Variants in STX18 observed in about 807,000 individuals in gnomAD.
STX18 encodes the protein syntaxin-18.
A neutral mutation model predicts 50.1 loss-of-function variants in STX18; 40 were observed. That is an observed-to-expected ratio of 0.80 (90% confidence interval 0.62 to 1.04). The LOEUF (loss-of-function observed/expected upper bound fraction) is 1.04, where lower values mean the gene tolerates loss of function less well. Ranked by LOEUF, STX18 falls within the 50% of genes least tolerant of loss-of-function variation. STX18 has a pLI of 0.00. For missense variants in STX18, 410 were observed against 415.8 expected (o/e 0.99, Z 0.12); for synonymous variants, 158 against 151.8 (o/e 1.04, Z -0.30).
chr4:4,487,473 T>A (rs1267753217), intron 1 of STX18, among the ~76,000 whole-genome samples: 1 of 152,182 alleles, frequency 6.6e-6, no homozygotes, highest in Non-Finnish European at 1.5e-5. Context: ...AACAGATGAG[T>A]ACACTTGCCC....
intron 1 of STX18, among the ~76,000 whole-genome samples, chr4:4,487,929 C>T (rs966929681): frequency 5.3e-5 from 8 of 152,082 alleles, no homozygotes; most frequent in Middle Eastern, 3.4e-3. Context: ...ATTCAACAAA[C>T]GAAGAGGTGA....
intron 1 of STX18, among the ~76,000 whole-genome samples, chr4:4,489,563 T>A (rs1577369019): frequency 6.6e-6 from 1 of 151,914 alleles, no homozygotes; most frequent in Admixed American, 6.6e-5. Context: ...AAATATTATT[T>A]CAAGAGATAA....
chr4:4,474,473 C>G (rs1403661402), intron 1 of STX18, among the ~76,000 whole-genome samples: 2 of 152,206 alleles, frequency 1.3e-5, no homozygotes, highest in Admixed American at 6.5e-5. Flanking sequence ...GGCCCATCCC[C>G]CTGTAAGATG....
intron 1 of STX18, among the ~76,000 whole-genome samples, chr4:4,497,691 G>C (rs562834057): frequency 6.6e-6 from 1 of 152,306 alleles, no homozygotes; most frequent in African/African-American, 2.4e-5. Context: ...TTAAAACCCA[G>C]TTAATCTGTC....
intron 5 of STX18, among the ~76,000 whole-genome samples, chr4:4,455,514 C>A (rs572075757): frequency 6.6e-6 from 1 of 152,212 alleles, no homozygotes; most frequent in East Asian, 1.9e-4. Context: ...CCTTGCCTGG[C>A]ATCTGAGAAG....
At chr4:4,451,981 A>C (rs1726776850) in intron 5 of STX18, among the ~76,000 whole-genome samples, 1 of 152,250 alleles carries the variant, frequency 6.6e-6, no homozygotes, top group Non-Finnish European at 1.5e-5. Context: ...GTGAATGCAA[A>C]GGAAAAGTTA....
At chr4:4,542,245 A>T, upstream of STX18, 1 of 354,748 alleles carries the variant, frequency 2.8e-6, no homozygotes, top group Non-Finnish European at 5.1e-6. Context: ...CGGAGAGCTC[A>T]GCGAGCTCTT....
chr4:4,500,924 C>G (rs1178784360), intron 1 of STX18, among the ~76,000 whole-genome samples: 2 of 152,106 alleles, frequency 1.3e-5, no homozygotes, highest in African/African-American at 4.8e-5. Context: ...ATACCCTCAG[C>G]TACTCGGGAG....
intron 3 of STX18, among the ~76,000 whole-genome samples, chr4:4,457,985 G>C (rs925455379): frequency 6.6e-6 from 1 of 152,126 alleles, no homozygotes; most frequent in Non-Finnish European, 1.5e-5. Flanking sequence ...ATGACTCCTA[G>C]CCACAAAGAT....
intron 5 of STX18, among the ~76,000 whole-genome samples, chr4:4,447,361 G>A (rs557593857): frequency 3.3e-5 from 5 of 151,856 alleles, no homozygotes; most frequent in Admixed American, 6.6e-5. Context: ...AGGCCGAGGC[G>A]GGCGGATCAC....
chr4:4,453,152 T>A (rs1166263610), intron 5 of STX18, among the ~76,000 whole-genome samples: 1 of 152,242 alleles, frequency 6.6e-6, no homozygotes, highest in East Asian at 1.9e-4. Context: ...GAATATTGCA[T>A]AAACTTGGTT....
At chr4:4,510,984 C>G (rs1056541208) in intron 1 of STX18, among the ~76,000 whole-genome samples, 5 of 152,112 alleles carry the variant, frequency 3.3e-5, no homozygotes, top group African/African-American at 1.2e-4. Flanking sequence ...AGGGGAACAA[C>G]ACACACTGGA....
Position 4,434,828 on chromosome 4 carries a change from A to G in STX18, c.644T>C (p.Leu215Ser), listed in dbSNP as rs1725693138. ...EKILAETQPE[L>S]GTWGDGKGED... is the part of the protein sequence containing the mutation. ...GCCTTTGCCATCTCCCCACGTTCCCAATTCAGGTTGTGTTTCAGCCAAAAT... is the reference window on the plus strand; with the variant it reads ...GCCTTTGCCATCTCCCCACGTTCCCGATTCAGGTTGTGTTTCAGCCAAAAT... The change falls in exon 7 of 11, where the codon TTG becomes TCG. Residue 215 changes from leucine (L) to serine (S), a missense_variant. Transcript: ENST00000306200. 3.1e-6 allele frequency: 5 copies of G among 1,604,448 alleles called. No individual in the cohort carries two copies. Among genetic ancestry groups the G allele is most frequent in the Non-Finnish European group, 4.2e-6 (5 of 1,177,530 alleles).
chr4:4,534,961 C>A (rs1361829091), intron 1 of STX18, among the ~76,000 whole-genome samples: 1 of 152,234 alleles, frequency 6.6e-6, no homozygotes, highest in South Asian at 2.1e-4. Context: ...ACAACCTCAC[C>A]CCCTGACACT....
At chr4:4,526,480 G>A (rs1340128204) in intron 1 of STX18, among the ~76,000 whole-genome samples, 3 of 152,096 alleles carry the variant, frequency 2.0e-5, no homozygotes, top group Admixed American at 6.6e-5. Flanking sequence ...TGGTGAGTTC[G>A]AATTCCTAAA....
chr4:4,433,380 C>T (rs940137747), intron 7 of STX18, among the ~76,000 whole-genome samples: 2 of 152,204 alleles, frequency 1.3e-5, no homozygotes, highest in East Asian at 1.9e-4. Flanking sequence ...ACAAAGAATT[C>T]CCCTGCGGAA....
intron 1 of STX18, among the ~76,000 whole-genome samples, chr4:4,539,802 C>CTA (rs76180043): frequency 0.24 from 36,409 of 152,024 alleles, 4,982 homozygotes; most frequent in African/African-American, 0.39. Flanking sequence ...ACTCAAAACT[C>CTA]AAACACATTT....
chr4:4,431,295 G>A (rs921978129), intron 7 of STX18, among the ~76,000 whole-genome samples: 6 of 152,158 alleles, frequency 3.9e-5, no homozygotes, highest in African/African-American at 1.4e-4. Context: ...GCAAAGAAAT[G>A]GGGCAATGGT....
At chr4:4,442,649 A>G (rs1177687405) in intron 5 of STX18, among the ~76,000 whole-genome samples, 1 of 152,054 alleles carries the variant, frequency 6.6e-6, no homozygotes, top group Non-Finnish European at 1.5e-5. Context: ...ACAAAGCACC[A>G]TGAGTGGTGG....
Sources: gnomAD v4.1 joint callset for allele counts (sites outside exome capture counted in the v4.1 genomes callset) on GRCh38, gnomAD v4.1.1 for gene constraint, MANE v1.5 for transcripts, NCBI Gene and HGNC (gene_info 2026-07-23, HGNC 2026-07-21) for gene names.